The following SLC24A2 variants were observed in gnomAD, a reference collection of about 807,000 sequenced individuals.
SLC24A2 encodes sodium/potassium/calcium exchanger 2.
In SLC24A2, 36 loss-of-function variants were observed where a neutral mutation model predicts 62.0. The ratio of observed to expected loss-of-function variants is 0.58; its 90% CI spans 0.44 to 0.77. SLC24A2 has a LOEUF of 0.77. Ranked by LOEUF, SLC24A2 falls within the 30% of genes least tolerant of loss-of-function variation. The pLI, the probability that SLC24A2 is intolerant of heterozygous loss-of-function variation, is 0.00. For synonymous variants in SLC24A2, 358 were observed against 294.0 expected, an observed-to-expected ratio of 1.22 and a Z score of -2.23; for missense variants, 846 against 817.9, an observed-to-expected ratio of 1.03 and a Z score of -0.42.
At chr9:20,305,635 A>G in the SLC24A2 span, among the ~76,000 whole-genome samples, 8 of 152,210 alleles carry the variant, frequency 5.3e-5, no homozygotes, top group Non-Finnish European at 8.8e-5. Context: ...AGACTATGCT[A>G]AGTATTTCAC....
intron 6 of SLC24A2, among the ~76,000 whole-genome samples, 190 bp downstream of exon 6, chr9:19,576,734 A>C (rs540433737): frequency 6.6e-6 from 1 of 152,314 alleles, no homozygotes; most frequent in African/African-American, 2.4e-5. Context: ...GTTACTGGTG[A>C]CATACTGTGT....
In SLC24A2 at chr9:19,515,869, T is replaced by C. The variant is rs1288859260; in HGVS notation, c.*284A>G. The C allele has an allele frequency of 2.3e-6, 1 of 440,292 alleles. No homozygotes were observed. Among genetic ancestry groups the C allele is most frequent in the Non-Finnish European group, 4.2e-6 (1 of 236,334 alleles). The allele number at this position is 440,292 out of a possible 1,614,324, so 27.3% of individuals were successfully genotyped here. ...CCTGTGTCCTTGTTTGCATCGACTG[T>C]ACCTCCGACCAGCGAGGTGTACTTG... is the stretch of plus-strand genomic sequence containing the variant. On this transcript the variant is annotated 3_prime_UTR_variant, in exon 11 of 11. Transcript: ENST00000341998.
chr9:20,064,085 T>C, the SLC24A2 span, among the ~76,000 whole-genome samples: 1 of 152,208 alleles, frequency 6.6e-6, no homozygotes, highest in Non-Finnish European at 1.5e-5. Flanking sequence ...TGTCTAACAA[T>C]CTGATAAATG....
chr9:19,653,071 T>C (rs907092239), intron 2 of SLC24A2, among the ~76,000 whole-genome samples: 7 of 152,196 alleles, frequency 4.6e-5, no homozygotes, highest in African/African-American at 1.7e-4. Flanking sequence ...TATCATAAAC[T>C]TGGCTCACCT....
At chr9:19,961,396 T>C in the SLC24A2 span, among the ~76,000 whole-genome samples, 1 of 152,192 alleles carries the variant, frequency 6.6e-6, no homozygotes, top group Non-Finnish European at 1.5e-5. Flanking sequence ...CAAAACCCAA[T>C]CTTTGGCATG....
rs117764918 is a variant in SLC24A2 at position 19,583,975 on chromosome 9, C to T, written c.1130-6953G>A. ...CAACCTGAAGGTTTCTCTGCACACA[C>T]CCCTCTTTTCGAAGTGGAAACCCAA... On this transcript the variant is annotated intron_variant, in intron 5 of 10. Coordinates refer to ENST00000341998, the MANE Select transcript of SLC24A2 (RefSeq NM_020344.4). Among the ~76,000 whole-genome samples, 6 of 152,272 alleles carry T rather than the reference C, an allele frequency of 3.9e-5. No individual in the cohort carries two copies. The East Asian group carries it at 1.2e-3, about 29-fold the overall frequency.
chr9:19,607,835 A>ATAACCCC (rs1465901383), intron 4 of SLC24A2, among the ~76,000 whole-genome samples: 1 of 152,168 alleles, frequency 6.6e-6, no homozygotes, highest in East Asian at 1.9e-4. Context: ...TCATACTCAA[A>ATAACCCC]AGCAGTTTAT....
chr9:19,734,325 C>G (rs1821432857), intron 2 of SLC24A2, among the ~76,000 whole-genome samples: 1 of 152,146 alleles, frequency 6.6e-6, no homozygotes, highest in Non-Finnish European at 1.5e-5. Flanking sequence ...AGCGTGATGC[C>G]TCCAGCTTTG....
intron 2 of SLC24A2, among the ~76,000 whole-genome samples, chr9:19,722,491 G>C (rs959930473): frequency 6.6e-6 from 1 of 151,884 alleles, no homozygotes; most frequent in African/African-American, 2.4e-5. Context: ...ATTAATATTT[G>C]GTTTGTAATT....
At chr9:20,038,612 G>A in the SLC24A2 span, among the ~76,000 whole-genome samples, 2 of 122,276 alleles carry the variant, frequency 1.6e-5, no homozygotes, top group African/African-American at 3.1e-5. Flanking sequence ...TTTTTCAGCA[G>A]AGTCAGTAAA....
At chr9:20,210,977 G>A in the SLC24A2 span, among the ~76,000 whole-genome samples, 1 of 152,162 alleles carries the variant, frequency 6.6e-6, no homozygotes, top group South Asian at 2.1e-4. Flanking sequence ...GATCTAGACT[G>A]TGTTCCGGAA....
chr9:19,896,684 G>T, the SLC24A2 span, among the ~76,000 whole-genome samples: 1 of 151,982 alleles, frequency 6.6e-6, no homozygotes, highest in Non-Finnish European at 1.5e-5. Flanking sequence ...AGGTCAGTCT[G>T]ACTCTCAGAG....
the SLC24A2 span, among the ~76,000 whole-genome samples, chr9:20,168,644 C>T: frequency 6.6e-6 from 1 of 151,876 alleles, no homozygotes; most frequent in Admixed American, 6.6e-5. Flanking sequence ...AATAAAACTG[C>T]AATGAGATAA....
At chr9:20,219,109 T>G in the SLC24A2 span, among the ~76,000 whole-genome samples, 1 of 152,194 alleles carries the variant, frequency 6.6e-6, no homozygotes, top group African/African-American at 2.4e-5. Context: ...ATCCCCTATT[T>G]TTGAGTTACT....
the SLC24A2 span, among the ~76,000 whole-genome samples, chr9:20,249,688 G>A: frequency 8.6e-6 from 1 of 115,824 alleles, no homozygotes. Context: ...CTGGGCAGCA[G>A]ATTGAAACTC....
the SLC24A2 span, among the ~76,000 whole-genome samples, chr9:20,103,927 A>T: frequency 6.6e-6 from 1 of 152,176 alleles, no homozygotes; most frequent in African/African-American, 2.4e-5. Context: ...TTCAAACCAA[A>T]GGCAAAGAAG....
chr9:20,131,707 C>T, the SLC24A2 span, among the ~76,000 whole-genome samples: 1 of 152,034 alleles, frequency 6.6e-6, no homozygotes, highest in African/African-American at 2.4e-5. Context: ...GCAAAAGGTT[C>T]AGGGATGTGC....
the SLC24A2 span, among the ~76,000 whole-genome samples, chr9:20,234,591 G>T: frequency 6.6e-6 from 1 of 152,152 alleles, no homozygotes; most frequent in African/African-American, 2.4e-5. Context: ...GTCCTCTAAG[G>T]ACTTCTCTGC....
At chr9:19,524,598 G>A (rs1563931245) in intron 9 of SLC24A2, among the ~76,000 whole-genome samples, 1 of 152,126 alleles carries the variant, frequency 6.6e-6, no homozygotes, top group Non-Finnish European at 1.5e-5. Flanking sequence ...ACAAACAACA[G>A]AATTAGAGCT....
Sources: gnomAD v4.1 joint callset for allele counts (sites outside exome capture counted in the v4.1 genomes callset) on GRCh38, gnomAD v4.1.1 for gene constraint, MANE v1.5 for transcripts, NCBI Gene and HGNC (gene_info 2026-07-23, HGNC 2026-07-21) for gene names.